Variants in N4BP2 observed in about 807,000 individuals in gnomAD.
N4BP2 encodes NEDD4-binding protein 2.
Under a neutral mutation model 152.8 loss-of-function variants are expected in N4BP2, and 91 were observed. The observed-to-expected ratio is 0.60, with a 90% CI of 0.50 to 0.71. The LOEUF (loss-of-function observed/expected upper bound fraction) is 0.71, where lower values mean the gene tolerates loss of function less well. N4BP2 is among the 30% of genes least tolerant of loss of function. The pLI is 0.00. For missense variants in N4BP2, 1,923 were observed against 2,059.1 expected, an observed-to-expected ratio of 0.93 and a Z score of 1.28; for synonymous variants, 646 against 705.3, an observed-to-expected ratio of 0.92 and a Z score of 1.33.
chr4:40,130,471 G>T (rs910287079), intron 12 of N4BP2, among the ~76,000 whole-genome samples: 1 of 152,068 alleles, frequency 6.6e-6, no homozygotes, highest in South Asian at 2.1e-4. Flanking sequence ...CCTAAGTATG[G>T]TTAAGCTTTA....
intron 7 of N4BP2, among the ~76,000 whole-genome samples, chr4:40,115,568 G>T (rs1472883965): frequency 6.6e-6 from 1 of 152,030 alleles, no homozygotes; most frequent in Non-Finnish European, 1.5e-5. Context: ...CTTTATTTTT[G>T]TCTTATTTAG....
the N4BP2 span, among the ~76,000 whole-genome samples, chr4:40,178,985 T>C: frequency 6.6e-6 from 1 of 152,210 alleles, no homozygotes. Context: ...TTCATTTTTA[T>C]TGATAGCAGC....
At position 40,157,040 on chromosome 4, in the gene N4BP2, G is replaced by A. The variant is rs552687943; in HGVS notation, c.*2803G>A. The A allele has an allele frequency of 2.0e-5, 3 of 152,172 alleles. No homozygotes were observed. The highest frequency in any genetic ancestry group is 3.9e-4 in the East Asian group (2 of 5,184). The allele number at this position is 152,172 out of a possible 1,614,324, so 9.4% of individuals were successfully genotyped here. ...CACTTCTGTAGTATGGAAGGTTTCAGTAATAATTATATTCATTCAGTAGTC... is the reference window on the plus strand; with the variant it reads ...CACTTCTGTAGTATGGAAGGTTTCAATAATAATTATATTCATTCAGTAGTC... On this transcript the variant is annotated 3_prime_UTR_variant, in exon 18 of 18. Coordinates refer to ENST00000261435, the MANE Select transcript of N4BP2 (RefSeq NM_018177.6).
intron 2 of N4BP2, among the ~76,000 whole-genome samples, chr4:40,082,637 A>C (rs1393221862): frequency 6.6e-6 from 1 of 152,090 alleles, no homozygotes; most frequent in Non-Finnish European, 1.5e-5. Context: ...CAAAATAAAA[A>C]ACAACCAAAA....
chr4:40,125,423 A>G (rs573305036), intron 11 of N4BP2, among the ~76,000 whole-genome samples: 1 of 152,298 alleles, frequency 6.6e-6, no homozygotes, highest in African/African-American at 2.4e-5. Context: ...AAAGTAATCG[A>G]TCTTCTTGGT....
At chr4:40,165,285 A>G in the N4BP2 span, among the ~76,000 whole-genome samples, 1 of 151,738 alleles carries the variant, frequency 6.6e-6, no homozygotes, top group Non-Finnish European at 1.5e-5. Context: ...GACTTGCTCT[A>G]TCACCCAGGC....
intron 5 of N4BP2, among the ~76,000 whole-genome samples, chr4:40,108,336 G>A (rs1431235701): frequency 6.7e-5 from 10 of 150,132 alleles, no homozygotes; most frequent in African/African-American, 1.5e-4. Flanking sequence ...TTTTTGAGAC[G>A]AAGTCTTGCT....
the N4BP2 span, among the ~76,000 whole-genome samples, chr4:40,175,742 G>C: frequency 7.0e-6 from 1 of 143,454 alleles, no homozygotes; most frequent in African/African-American, 2.6e-5. Flanking sequence ...CTCAGGTAAC[G>C]GAGGTTGCAG....
At chr4:40,088,136 T>C (rs1177011633) in intron 2 of N4BP2, among the ~76,000 whole-genome samples, 1 of 152,228 alleles carries the variant, frequency 6.6e-6, no homozygotes, top group Non-Finnish European at 1.5e-5. Context: ...TTTTTATTGC[T>C]GACTAGTATT....
At chr4:40,178,423 A>G in the N4BP2 span, among the ~76,000 whole-genome samples, 1 of 60,716 alleles carries the variant, frequency 1.6e-5, no homozygotes, top group Admixed American at 1.8e-4. Context: ...CCCGCCACCA[A>G]AACAAAAAAA....
chr4:40,144,761 C>G lies in N4BP2; in HGVS notation c.5104C>G (p.Leu1702Val). Residue 1702 changes from leucine (L) to valine (V), a missense_variant, in exon 16 of 18, where the codon CTA becomes GTA. Physicochemically the swap from Leu to Val is conservative, Grantham distance 32. Transcript: ENST00000261435. ...DLHGLHVDEALEHLMRVLEKK... is the reference protein window; with the variant it reads ...DLHGLHVDEAVEHLMRVLEKK... ...CCATGGGCTGCATGTGGATGAAGCT[C>G]TAGAACATTTGATGAGAGTTTTAGA... 1 of 1,613,138 alleles carries G rather than the reference C, an allele frequency of 6.2e-7. No individual in the cohort carries two copies. The highest frequency in any genetic ancestry group is 8.5e-7 in the Non-Finnish European group (1 of 1,179,698).
Position 40,121,713 on chromosome 4 carries a change from C to G in N4BP2, c.3602C>G (p.Ser1201Ter). ...QSTCDAERGN[S>*]EQAEMRAVTP... The stretch of plus-strand genomic sequence containing the variant: ...ACTTGTGATGCAGAAAGAGGAAACT[C>G]AGAGCAGGCGGAAATGAGAGCTGTC... The change falls in exon 9 of 18, where the codon TCA becomes TGA. Residue 1201 changes from serine (S) to a stop codon, truncating the protein, a stop_gained. Transcript: ENST00000261435. LOFTEE classifies it high-confidence loss of function. The G allele has an allele frequency of 6.2e-7, 1 of 1,614,038 alleles. No homozygotes were observed. The highest frequency in any genetic ancestry group is 1.7e-5 in the Admixed American group (1 of 59,990).
chr4:40,086,110 G>A (rs1713919232), intron 2 of N4BP2, among the ~76,000 whole-genome samples: 1 of 148,782 alleles, frequency 6.7e-6, no homozygotes, highest in Non-Finnish European at 1.5e-5. Context: ...GGGATTACAG[G>A]CCTGCCAACA....
intron 2 of N4BP2, among the ~76,000 whole-genome samples, chr4:40,076,617 T>C (rs1434335978): frequency 6.6e-6 from 1 of 151,746 alleles, no homozygotes; most frequent in Non-Finnish European, 1.5e-5. Context: ...GCCTCCCGAG[T>C]AGCTGGGACT....
chr4:40,065,760 T>G lies in N4BP2; in HGVS notation c.-211-7695T>G, dbSNP rs549160391. Among the ~76,000 whole-genome samples, 17 of 152,242 alleles carry G rather than the reference T, an allele frequency of 1.1e-4. No individual in the cohort carries two copies. The East Asian group carries it at 2.7e-3, about 24-fold the overall frequency. On this transcript the variant is annotated intron_variant, in intron 1 of 17. Coordinates refer to ENST00000261435, the MANE Select transcript of N4BP2 (RefSeq NM_018177.6). Reference sequence around the variant, plus strand: ...TCTTCCAATGCAGGGATTTGAATTTTTTAGCATTTTTAAGGTCAGGTAGGA... The same window carrying G: ...TCTTCCAATGCAGGGATTTGAATTTGTTAGCATTTTTAAGGTCAGGTAGGA...
intron 11 of N4BP2, 31 bp downstream of exon 11, chr4:40,124,236 T>A: frequency 6.5e-7 from 1 of 1,548,992 alleles, no homozygotes; most frequent in Non-Finnish European, 8.9e-7. Context: ...TCTAATGTCT[T>A]AATGTTGAAA....
rs1474918143 is a variant in N4BP2 at position 40,102,626 on chromosome 4, A to C, written c.781A>C (p.Ser261Arg). The C allele has an allele frequency of 3.1e-6, 5 of 1,614,090 alleles. No individual in the cohort carries two copies. Among genetic ancestry groups the C allele is most frequent in the Admixed American group, 3.3e-5 (2 of 59,996 alleles). Residue 261 changes from serine (S) to arginine (R), a missense_variant, in exon 4 of 18, where the codon AGT becomes CGT. Ser to Arg is a moderately radical substitution (Grantham distance 110, BLOSUM62 -1). Transcript: ENST00000261435. ...AAGTGACTCCATCGCAGGTTGTAGC[A>C]GTCTCAATCAAAAACAGAAAGAACT... Reference protein sequence around the residue: ...VASDSIAGCSSLNQKQKELLE... With the variant: ...VASDSIAGCSRLNQKQKELLE...
the N4BP2 span, among the ~76,000 whole-genome samples, chr4:40,179,212 C>A: frequency 6.6e-6 from 1 of 151,910 alleles, no homozygotes; most frequent in Non-Finnish European, 1.5e-5. Flanking sequence ...ACTAAAAGTA[C>A]AAAAAAATTT....
downstream of N4BP2, among the ~76,000 whole-genome samples, chr4:40,160,075 C>T (rs140937699): frequency 6.6e-6 from 1 of 152,224 alleles, no homozygotes; most frequent in East Asian, 1.9e-4. Flanking sequence ...CCGCCTCAGC[C>T]TCCCAAAGTG....
Sources: gnomAD v4.1 joint callset for allele counts (sites outside exome capture counted in the v4.1 genomes callset) on GRCh38, gnomAD v4.1.1 for gene constraint, MANE v1.5 for transcripts, NCBI Gene and HGNC (gene_info 2026-07-23, HGNC 2026-07-21) for gene names.